Variants in SAP130 observed in about 807,000 individuals in gnomAD.
SAP130 encodes histone deacetylase complex subunit SAP130.
A neutral mutation model predicts 103.2 loss-of-function variants in SAP130; 16 were observed. The observed-to-expected ratio is 0.16, with a 90% CI of 0.10 to 0.24. The LOEUF (loss-of-function observed/expected upper bound fraction) is 0.24. Ranked by LOEUF, SAP130 falls within the 10% of genes least tolerant of loss-of-function variation. The pLI is 1.00. For missense variants in SAP130, 990 were observed against 1,359.7 expected, an observed-to-expected ratio of 0.73 and a Z score of 4.28; for synonymous variants, 477 against 497.0, an observed-to-expected ratio of 0.96 and a Z score of 0.53.
intron 12 of SAP130, among the ~76,000 whole-genome samples, chr2:127,991,487 C>T (rs1682802984): frequency 6.6e-6 from 1 of 151,858 alleles, no homozygotes; most frequent in Admixed American, 6.6e-5. Context: ...CTACAGCACG[C>T]ACCACACCAT....
chr2:127,968,386 C>T (rs1390826322), intron 15 of SAP130, among the ~76,000 whole-genome samples: 7 of 149,426 alleles, frequency 4.7e-5, no homozygotes, highest in Non-Finnish European at 4.4e-5. Flanking sequence ...GTTGAGATTA[C>T]AGACGTGAGC....
chr2:127,981,569 C>T, intron 14 of SAP130, among the ~76,000 whole-genome samples: 1 of 91,594 alleles, frequency 1.1e-5, no homozygotes, highest in East Asian at 3.7e-4. Context: ...CCTGACTCAG[C>T]TCCCCCACCC....
chr2:127,950,489 T>C (rs2461463), intron 16 of SAP130, 81 bp from the exon 17 acceptor site: 1,467,866 of 1,501,776 alleles, frequency 0.98, 718,453 homozygotes, highest in East Asian at 1. Flanking sequence ...CCAACAAAGA[T>C]GATTAAGAAG....
At chr2:127,971,172 C>G (rs116741374) in intron 15 of SAP130, among the ~76,000 whole-genome samples, 1 of 151,842 alleles carries the variant, frequency 6.6e-6, no homozygotes, top group South Asian at 2.1e-4. Flanking sequence ...AGGCTGATAT[C>G]GAACCCCCGG....
At chr2:128,017,543 A>G (rs774884787) in intron 3 of SAP130, 137 bp downstream of exon 3, 85 of 718,970 alleles carry the variant, frequency 1.2e-4, no homozygotes, top group Middle Eastern at 3.9e-4. Context: ...AGTTACAGAA[A>G]GGAGCTGAAC....
intron 15 of SAP130, among the ~76,000 whole-genome samples, chr2:127,957,338 AAAG>A: frequency 6.6e-6 from 1 of 152,230 alleles, no homozygotes; most frequent in East Asian, 1.9e-4. Flanking sequence ...AGGGGAAAAA[AAAG>A]AAAAAACACT....
At chr2:127,949,478 C>G (rs915325796) in intron 18 of SAP130, among the ~76,000 whole-genome samples, 2 of 152,146 alleles carry the variant, frequency 1.3e-5, no homozygotes, top group Non-Finnish European at 2.9e-5. Flanking sequence ...ACAATGCATG[C>G]GTATTTTTAG....
intron 14 of SAP130, among the ~76,000 whole-genome samples, chr2:127,980,291 C>T (rs1271241808): frequency 6.6e-6 from 1 of 152,086 alleles, no homozygotes; most frequent in East Asian, 1.9e-4. Flanking sequence ...TGGCCAAAAA[C>T]TAACCAAACC....
intron 19 of SAP130, among the ~76,000 whole-genome samples, chr2:127,944,301 A>C (rs1678913183): frequency 6.6e-6 from 1 of 152,058 alleles, no homozygotes. Flanking sequence ...CTTCCAAAGT[A>C]CTGGGATCAC....
chr2:127,955,387 A>G lies in SAP130; in HGVS notation c.2064-43T>C, dbSNP rs984189739. On this transcript the variant is annotated intron_variant, in intron 15 of 20. Transcript: ENST00000643581. The surrounding 1 kb of genome is among the most constrained non-coding windows in gnomAD (Gnocchi z 4.9). Reference sequence around the variant, plus strand: ...AGCACATGTAGCAAATAAGAAAAAAACTGCCTTCATCTACAACATCTCAGA... The same window carrying G: ...AGCACATGTAGCAAATAAGAAAAAAGCTGCCTTCATCTACAACATCTCAGA... 7.3e-7 allele frequency: 1 copy of G among 1,376,670 alleles called. No homozygotes were observed. Among genetic ancestry groups the G allele is most frequent in the African/African-American group, 1.4e-5 (1 of 69,174 alleles). 85.3% of individuals were successfully genotyped at this position (1,376,670 alleles called of 1,614,324 possible).
In SAP130 at chr2:127,955,523, G is replaced by A. The variant is rs142068404; in HGVS notation, c.2064-179C>T. Among the ~76,000 whole-genome samples the A allele has an allele frequency of 4.5e-3, 691 of 152,128 alleles. 6 individuals carry two copies. Among genetic ancestry groups the A allele is most frequent in the African/African-American group, 0.016 (649 of 41,494 alleles). On this transcript the variant is annotated intron_variant, in intron 15 of 20. Coordinates refer to ENST00000643581, the MANE Select transcript of SAP130 (RefSeq NM_001330301.2). The surrounding 1 kb of genome is among the most constrained non-coding windows in gnomAD (Gnocchi z 4.9). ...AAATTTTGAGACAGGGTCTCACTCT[G>A]TTACCCATGCTGGAGTGAAGTGGCG... is the stretch of plus-strand genomic sequence containing the variant.
chr2:128,001,526 G>A (rs6722778), intron 7 of SAP130, among the ~76,000 whole-genome samples: 113,949 of 152,208 alleles, frequency 0.75, 42,888 homozygotes, highest in East Asian at 0.83. Context: ...AGGTTAATTT[G>A]TGTCAGATGG....
rs1380147735 is a variant in SAP130 at position 127,996,135 on chromosome 2, A to C, written c.1355+215T>G. Among the ~76,000 whole-genome samples the C allele has an allele frequency of 6.6e-6, 1 of 152,208 alleles. No homozygotes were observed. Among genetic ancestry groups the C allele is most frequent in the Admixed American group, 6.6e-5 (1 of 15,266 alleles). On this transcript the variant is annotated intron_variant, in intron 11 of 20. Transcript: ENST00000643581. This position sits in a 1 kb window ranked among gnomAD's most constrained non-coding sequence, Gnocchi z 4.3. ...AAAATGTTAAACACACAAAACCCAA[A>C]AAATGGATACTAGGAAAACATCCAT...
intron 10 of SAP130, among the ~76,000 whole-genome samples, chr2:127,997,978 G>A (rs1683286824): frequency 6.6e-6 from 1 of 152,040 alleles, no homozygotes; most frequent in African/African-American, 2.4e-5. Context: ...GCCAGGCGTG[G>A]TGGTATGTGC....
chr2:128,024,854 G>C (rs549221783), intron 2 of SAP130, among the ~76,000 whole-genome samples: 1 of 151,954 alleles, frequency 6.6e-6, no homozygotes, highest in East Asian at 1.9e-4. Context: ...ACTCCAGCCT[G>C]GGCCACAGAG....
chr2:127,973,466 G>A (rs887752023), intron 15 of SAP130, among the ~76,000 whole-genome samples: 2 of 152,136 alleles, frequency 1.3e-5, no homozygotes, highest in African/African-American at 2.4e-5. Context: ...TCCTGACCTC[G>A]GGTGATCCGC....
At chr2:127,962,428 C>G (rs1163188151) in intron 15 of SAP130, among the ~76,000 whole-genome samples, 1 of 152,138 alleles carries the variant, frequency 6.6e-6, no homozygotes, top group African/African-American at 2.4e-5. Flanking sequence ...CACATGCACA[C>G]GTATGTTTAT....
At chr2:127,944,398 C>T (rs932510289) in intron 19 of SAP130, among the ~76,000 whole-genome samples, 1 of 151,082 alleles carries the variant, frequency 6.6e-6, no homozygotes, top group Non-Finnish European at 1.5e-5. Flanking sequence ...AGACACAGTA[C>T]AGCCTGGGCA....
chr2:128,025,934 T>G (rs1399855762), intron 2 of SAP130, among the ~76,000 whole-genome samples: 1 of 152,218 alleles, frequency 6.6e-6, no homozygotes, highest in African/African-American at 2.4e-5. Flanking sequence ...AATATATTAA[T>G]GCATTTCAAA....
Sources: allele counts gnomAD v4.1 joint callset (sites outside exome capture counted in the v4.1 genomes callset), GRCh38; gene constraint gnomAD v4.1.1; non-coding constraint Gnocchi (gnomAD v3.1); transcripts MANE v1.5; gene names NCBI Gene and HGNC (gene_info 2026-07-23, HGNC 2026-07-21).